The following SYNJ1 variants were observed in gnomAD, a reference collection of about 807,000 sequenced individuals.
SYNJ1 encodes the protein synaptojanin 1.
A neutral mutation model predicts 168.2 loss-of-function variants in SYNJ1; 78 were observed. That is an observed-to-expected ratio of 0.46 (90% CI 0.39 to 0.56). SYNJ1 has a LOEUF of 0.56. Among genes scored for constraint, SYNJ1 ranks in the 20% least tolerant of loss-of-function variants. The pLI, the probability that SYNJ1 is intolerant of heterozygous loss-of-function variation, is 0.00. For synonymous variants in SYNJ1, 539 were observed against 548.6 expected (o/e 0.98, Z 0.24); for missense variants, 1,303 against 1,597.6 (o/e 0.82, Z 3.14).
rs1490214505 is a variant in SYNJ1, at chr21:32,678,706, A to G, written c.1449T>C (p.Asn483=). Residue 483 remains asparagine (N), a synonymous_variant, in exon 12 of 33, where the codon AAT becomes AAC. Transcript: ENST00000674351. ...TGTCAGCTAAATCACTATTCAGAGT[A>G]TTTCCCAGTAGCAAAACATCAATGG... ...QEAIDVLLLG[N]TLNSDLADKA... 2.5e-6 allele frequency: 4 copies of G among 1,613,536 alleles called. No individual in the cohort carries two copies. The highest frequency in any genetic ancestry group is 2.2e-5 in the South Asian group (2 of 90,986).
chr21:32,668,673 G>A (rs1305940877), intron 15 of SYNJ1, among the ~76,000 whole-genome samples: 1 of 152,168 alleles, frequency 6.6e-6, no homozygotes, highest in African/African-American at 2.4e-5. Flanking sequence ...ATGGGAAACT[G>A]CTGAAATTTA....
At chr21:32,642,298 C>T (rs2039876002) in intron 27 of SYNJ1, among the ~76,000 whole-genome samples, 165 bp from the exon 28 acceptor site, 1 of 152,096 alleles carries the variant, frequency 6.6e-6, no homozygotes, top group Non-Finnish European at 1.5e-5. Flanking sequence ...TATTATCAGT[C>T]CTGAATGAAA....
intron 17 of SYNJ1, 69 bp downstream of exon 17, chr21:32,665,874 T>A: frequency 7.1e-7 from 1 of 1,415,704 alleles, no homozygotes; most frequent in Non-Finnish European, 9.4e-7. Flanking sequence ...AAAACATTGA[T>A]GTAGAATTTG....
At chr21:32,723,152 C>T (rs2043310316) in intron 2 of SYNJ1, among the ~76,000 whole-genome samples, 1 of 152,220 alleles carries the variant, frequency 6.6e-6, no homozygotes, top group Admixed American at 6.5e-5. Flanking sequence ...AAGACAGAGT[C>T]TTGAGGCTGC....
intron 31 of SYNJ1, among the ~76,000 whole-genome samples, chr21:32,635,191 A>T (rs187938592): frequency 6.6e-6 from 1 of 152,278 alleles, no homozygotes; most frequent in Admixed American, 6.5e-5. Flanking sequence ...CCTGTTATGG[A>T]CTGAATATTT....
intron 32 of SYNJ1, among the ~76,000 whole-genome samples, chr21:32,632,322 C>T (rs1159272732): frequency 2.0e-5 from 3 of 151,748 alleles, no homozygotes; most frequent in East Asian, 1.9e-4. Flanking sequence ...ATTCCTAAGA[C>T]GAAGACTCCA....
chr21:32,695,898 G>C (rs1355016270), intron 4 of SYNJ1, among the ~76,000 whole-genome samples: 1 of 151,464 alleles, frequency 6.6e-6, no homozygotes, highest in Non-Finnish European at 1.5e-5. Context: ...CCAGGTTGGA[G>C]TGCAGTGGCG....
At chr21:32,645,107 G>T in intron 25 of SYNJ1, 101 bp from the exon 26 acceptor site, 1 of 1,171,392 alleles carries the variant, frequency 8.5e-7, no homozygotes. Context: ...CAAGTATCAT[G>T]CAGGAATTAC....
Position 32,694,324 on chromosome 21 carries a change from A to T in SYNJ1, c.706-13T>A, listed in dbSNP as rs1247166525. 2.6e-6 allele frequency: 4 copies of T among 1,538,900 alleles called. No homozygotes were observed. Among genetic ancestry groups the T allele is most frequent in the Admixed American group, 2.4e-5 (1 of 42,212 alleles). ...CTAAGTACACAACCTACAGAAAAAA[A>T]AATAATATGTAAACTATTTCCACAG... On this transcript the variant is annotated splice_polypyrimidine_tract_variant and intron_variant, in intron 5 of 32. Coordinates refer to ENST00000674351, the MANE Select transcript of SYNJ1 (RefSeq NM_203446.3).
intron 12 of SYNJ1, among the ~76,000 whole-genome samples, chr21:32,677,134 T>C (rs930035396): frequency 2.6e-5 from 4 of 152,194 alleles, no homozygotes; most frequent in African/African-American, 9.7e-5. Context: ...CAGATGTGAA[T>C]GTGTATGGCT....
At chr21:32,692,709 C>A (rs2042069308) in intron 6 of SYNJ1, among the ~76,000 whole-genome samples, 1 of 152,174 alleles carries the variant, frequency 6.6e-6, no homozygotes, top group African/African-American at 2.4e-5. Flanking sequence ...TGTAACTACT[C>A]AGGACGCAAC....
intron 8 of SYNJ1, among the ~76,000 whole-genome samples, chr21:32,686,137 ATT>A (rs1386496168): frequency 2.0e-5 from 3 of 152,168 alleles, no homozygotes; most frequent in African/African-American, 7.2e-5. Context: ...CCAGCATTTT[ATT>A]TTTACAACAC....
Position 32,653,355 on chromosome 21 carries a change from T to A in SYNJ1, c.2807A>T (p.Asp936Val), listed in dbSNP as rs1473968404. 6.2e-7 allele frequency: 1 copy of A among 1,611,940 alleles called. No homozygotes were observed. The highest frequency in any genetic ancestry group is 1.3e-5 in the African/African-American group (1 of 74,894). Reference protein sequence around the residue: ...GEVILIRFVEDKMWVTFLEGS... With the variant: ...GEVILIRFVEVKMWVTFLEGS... ...CTCCAAAAATGTAACCCACATTTTA[T>A]CTTCTACAAATCTTTAAGAAAAACA... The change falls in exon 22 of 33, where the codon GAT (aspartate) becomes GTT (valine). Residue 936 changes from aspartate to valine, a missense_variant. Around this residue, in one of 2 missense-constraint regions of SYNJ1, gnomAD observed 920 missense variants for 1,208.8 expected, o/e 0.76. Transcript: ENST00000674351.
chr21:32,656,613 C>T, intron 21 of SYNJ1, 74 bp downstream of exon 21: 1 of 1,313,150 alleles, frequency 7.6e-7, no homozygotes, highest in East Asian at 2.5e-5. Context: ...CTCTCCTTCC[C>T]CAAATAAGGT....
intron 9 of SYNJ1, among the ~76,000 whole-genome samples, chr21:32,684,902 G>A (rs544555062): frequency 1.5e-5 from 2 of 135,670 alleles, no homozygotes; most frequent in Admixed American, 7.2e-5. Context: ...AAGTACGGCC[G>A]GGCGCGGTGG....
At chr21:32,706,072 G>C (rs185156217) in intron 2 of SYNJ1, among the ~76,000 whole-genome samples, 34 of 152,266 alleles carry the variant, frequency 2.2e-4, no homozygotes, top group Admixed American at 2.2e-3. Flanking sequence ...TATGAAAAAA[G>C]CACCATTGCT....
chr21:32,646,762 A>G (rs963754464), intron 23 of SYNJ1, among the ~76,000 whole-genome samples, 160 bp from the exon 24 acceptor site: 1 of 152,190 alleles, frequency 6.6e-6, no homozygotes, highest in African/African-American at 2.4e-5. Flanking sequence ...ATAAAACCAC[A>G]ATTAGTAGAA....
At chr21:32,714,267 A>G (rs2042944130) in intron 2 of SYNJ1, among the ~76,000 whole-genome samples, 1 of 152,208 alleles carries the variant, frequency 6.6e-6, no homozygotes. Flanking sequence ...GGGAAGCAGA[A>G]ACTCGATTTT....
At chr21:32,720,921 T>C (rs1163139326) in intron 2 of SYNJ1, among the ~76,000 whole-genome samples, 1 of 152,220 alleles carries the variant, frequency 6.6e-6, no homozygotes, top group Non-Finnish European at 1.5e-5. Context: ...GGCTGTAAAA[T>C]ATTGAGATTG....
Sources: allele counts gnomAD v4.1 joint callset (sites outside exome capture counted in the v4.1 genomes callset), GRCh38; gene constraint gnomAD v4.1.1; regional missense constraint gnomAD v4.1.1; transcripts MANE v1.5; gene names NCBI Gene and HGNC (gene_info 2026-07-23, HGNC 2026-07-21).